The following KCNIP4 variants were observed in gnomAD, a reference collection of about 807,000 sequenced individuals.
KCNIP4 encodes the protein Kv channel-interacting protein 4.
In KCNIP4, 12 loss-of-function variants were observed where a neutral mutation model predicts 34.0. The observed-to-expected ratio is 0.35, with a 90% CI of 0.23 to 0.57. KCNIP4 has a LOEUF of 0.57. Ranked by LOEUF, KCNIP4 falls within the 20% of genes least tolerant of loss-of-function variation. The probability of loss-of-function intolerance (pLI) is 0.83; values close to 1 mark genes in which losing one functional copy is unlikely to be tolerated. For synonymous variants in KCNIP4, 124 were observed against 102.2 expected (o/e 1.21, Z -1.29); for missense variants, 238 against 311.7 (o/e 0.76, Z 1.78).
At chr4:21,103,993 A>T (rs1413674021) in intron 1 of KCNIP4, among the ~76,000 whole-genome samples, 1 of 151,978 alleles carries the variant, frequency 6.6e-6, no homozygotes, top group Non-Finnish European at 1.5e-5. Context: ...ATTGTTGGAC[A>T]TTTGGGTTGG....
chr4:21,602,022 C>A (rs1013997998), intron 1 of KCNIP4, among the ~76,000 whole-genome samples: 16 of 152,118 alleles, frequency 1.1e-4, no homozygotes, highest in African/African-American at 3.9e-4. Context: ...CATGCCCCTC[C>A]CCAACGCAAT....
chr4:21,130,018 G>A (rs139821689), intron 1 of KCNIP4, among the ~76,000 whole-genome samples: 65 of 152,154 alleles, frequency 4.3e-4, no homozygotes, highest in African/African-American at 1.5e-3. Flanking sequence ...GTGGCAATGT[G>A]ATTTTCATTT....
chr4:21,292,320 G>A (rs566507071), intron 1 of KCNIP4, among the ~76,000 whole-genome samples: 107 of 152,126 alleles, frequency 7.0e-4, no homozygotes, highest in Admixed American at 2.0e-3. Context: ...GTCTTCCATG[G>A]TGGTACCTCC....
chr4:20,815,268 T>A (rs1716236458), intron 3 of KCNIP4, among the ~76,000 whole-genome samples: 1 of 152,178 alleles, frequency 6.6e-6, no homozygotes, highest in South Asian at 2.1e-4. Flanking sequence ...GCATTGATGT[T>A]CAAATAATTA....
At chr4:20,984,187 T>C (rs1306396760) in intron 1 of KCNIP4, 34 of 452,266 alleles carry the variant, frequency 7.5e-5, no homozygotes, top group Non-Finnish European at 8.2e-5. Flanking sequence ...CTCTCCACTC[T>C]ATGCTGCAGC....
rs116529848 is a variant in KCNIP4, at chr4:21,321,864, A to G, written c.62-439155T>C. Among the ~76,000 whole-genome samples, 399 of 143,932 alleles carry G rather than the reference A, an allele frequency of 2.8e-3. 4 individuals carry two copies. The highest frequency in any genetic ancestry group is 9.8e-3 in the African/African-American group (379 of 38,614). 94.4% of individuals were successfully genotyped at this position (143,932 alleles called of 152,430 possible). On this transcript the variant is annotated intron_variant, in intron 1 of 8. Transcript: ENST00000382152. ...AAGGAAAGGAAGGAAGGAGAAAGGA[A>G]AAAGCAAGGAAGGAAGAAAGGAAGG... is the stretch of plus-strand genomic sequence containing the variant.
intron 1 of KCNIP4, among the ~76,000 whole-genome samples, chr4:21,363,343 A>G (rs988067704): frequency 1.3e-5 from 2 of 152,008 alleles, no homozygotes; most frequent in African/African-American, 4.8e-5. Flanking sequence ...TCTGGCTCCA[A>G]ATCTCTATGA....
intron 1 of KCNIP4, among the ~76,000 whole-genome samples, chr4:21,295,401 C>T (rs1763778707): frequency 6.6e-6 from 1 of 152,138 alleles, no homozygotes; most frequent in Non-Finnish European, 1.5e-5. Flanking sequence ...TAGAGACTTT[C>T]TATTTGAACC....
intron 1 of KCNIP4, among the ~76,000 whole-genome samples, chr4:21,305,165 G>A (rs148092071): frequency 6.6e-6 from 1 of 152,266 alleles, no homozygotes; most frequent in East Asian, 1.9e-4. Flanking sequence ...TGAACAAGCT[G>A]AGGACTGAAG....
intron 3 of KCNIP4, among the ~76,000 whole-genome samples, chr4:20,804,784 T>C (rs962802117): frequency 6.6e-6 from 1 of 152,208 alleles, no homozygotes. Context: ...AGCAGGTCTA[T>C]AGTTGGATAA....
intron 1 of KCNIP4, among the ~76,000 whole-genome samples, chr4:21,210,422 G>C (rs1455798549): frequency 6.6e-6 from 1 of 152,100 alleles, no homozygotes; most frequent in African/African-American, 2.4e-5. Context: ...TCCATTGAAA[G>C]CTAGAAGTCT....
intron 3 of KCNIP4, among the ~76,000 whole-genome samples, chr4:20,765,735 T>C (rs747065180): frequency 1.3e-4 from 20 of 152,312 alleles, no homozygotes; most frequent in Non-Finnish European, 2.5e-4. Flanking sequence ...TGTGAAACCC[T>C]TCACTGTGAT....
chr4:21,095,026 G>C (rs1747340430), intron 1 of KCNIP4, among the ~76,000 whole-genome samples: 1 of 152,084 alleles, frequency 6.6e-6, no homozygotes, highest in African/African-American at 2.4e-5. Context: ...CAACAAAAAA[G>C]AAATGCTAAA....
At chr4:21,405,899 G>T (rs1255400655) in intron 1 of KCNIP4, among the ~76,000 whole-genome samples, 1 of 152,148 alleles carries the variant, frequency 6.6e-6, no homozygotes, top group Non-Finnish European at 1.5e-5. Flanking sequence ...GCAATGGCGC[G>T]ATCTTGGCTC....
intron 1 of KCNIP4, among the ~76,000 whole-genome samples, chr4:21,212,673 CCTT>C (rs1757305684): frequency 6.6e-6 from 1 of 152,150 alleles, no homozygotes; most frequent in Admixed American, 6.6e-5. Context: ...TCACCAGACA[CCTT>C]CTTGCCATAT....
chr4:21,713,582 T>C (rs1421066833), intron 1 of KCNIP4, among the ~76,000 whole-genome samples: 1 of 152,222 alleles, frequency 6.6e-6, no homozygotes, highest in East Asian at 1.9e-4. Flanking sequence ...ACCTCGAGTA[T>C]TTGTCATTTC....
chr4:21,856,722 C>T (rs565407225), intron 1 of KCNIP4, among the ~76,000 whole-genome samples: 1 of 152,272 alleles, frequency 6.6e-6, no homozygotes, highest in African/African-American at 2.4e-5. Context: ...AAGCCCTCCC[C>T]TTCCACTGCC....
chr4:21,206,981 A>G (rs2108967502), intron 1 of KCNIP4, among the ~76,000 whole-genome samples: 1 of 152,300 alleles, frequency 6.6e-6, no homozygotes, highest in Non-Finnish European at 1.5e-5. Flanking sequence ...GTATCTCCTA[A>G]AAATGTTTTT....
At chr4:20,873,993 G>A (rs891334908) in intron 2 of KCNIP4, among the ~76,000 whole-genome samples, 2 of 152,144 alleles carry the variant, frequency 1.3e-5, no homozygotes, top group African/African-American at 4.8e-5. Flanking sequence ...AATGCACCTA[G>A]GTGAGATTGA....
Sources: allele counts gnomAD v4.1 joint callset (sites outside exome capture counted in the v4.1 genomes callset), GRCh38; gene constraint gnomAD v4.1.1; transcripts MANE v1.5; gene names NCBI Gene and HGNC (gene_info 2026-07-23, HGNC 2026-07-21).